The following MARCHF8 variants were observed in gnomAD, a reference collection of about 807,000 sequenced individuals.
MARCHF8 encodes membrane associated ring-CH-type finger 8.
MARCHF8 carries 40 observed loss-of-function variants against 51.6 expected under a neutral mutation model. That is an observed-to-expected ratio of 0.77 (90% CI 0.60 to 1.01). The LOEUF (loss-of-function observed/expected upper bound fraction) is 1.01, where lower values mean the gene tolerates loss of function less well. MARCHF8 is among the 50% of genes least tolerant of loss of function. The probability of loss-of-function intolerance (pLI) is 0.00; values close to 1 mark genes in which losing one functional copy is unlikely to be tolerated. For synonymous variants in MARCHF8, 263 were observed against 280.3 expected (o/e 0.94, Z 0.62); for missense variants, 685 against 708.6 (o/e 0.97, Z 0.38).
chr10:45,546,497 G>C (rs76422608), intron 1 of MARCHF8, among the ~76,000 whole-genome samples: 5,357 of 152,098 alleles, frequency 0.035, 143 homozygotes, highest in Non-Finnish European at 0.052. Context: ...CAAGAATAAA[G>C]CAGGCCAGGA....
In MARCHF8 at chr10:45,463,900, C is replaced by A; in HGVS notation, c.339G>T (p.Gly113=). 6.5e-7 allele frequency: 1 copy of A among 1,536,622 alleles called. No individual in the cohort carries two copies. The highest frequency in any genetic ancestry group is 8.7e-7 in the Non-Finnish European group (1 of 1,146,928). ...APHCQSSLTQ[G]LTVTVICKDT... ...CCTTACAGATAACTGTCACAGTGAG[C>A]CCTTGTGTCAGAGAACTCTGGCAGT... Residue 113 remains glycine, a synonymous_variant, in exon 5 of 8, where the codon GGG becomes GGT. Coordinates refer to ENST00000453424, the MANE Select transcript of MARCHF8 (RefSeq NM_001282866.2).
intron 3 of MARCHF8, among the ~76,000 whole-genome samples, chr10:45,470,940 G>A (rs761480521): frequency 1.3e-5 from 2 of 152,196 alleles, no homozygotes; most frequent in Admixed American, 6.5e-5. Flanking sequence ...CTTCAAAAAT[G>A]AGCCACAATT....
intron 1 of MARCHF8, among the ~76,000 whole-genome samples, chr10:45,551,222 T>G (rs1467697195): frequency 1.3e-5 from 2 of 152,194 alleles, no homozygotes; most frequent in Admixed American, 6.5e-5. Flanking sequence ...CTCATTCTTC[T>G]GACAACTAGA....
At chr10:45,475,672 T>C (rs2042774550) in intron 3 of MARCHF8, among the ~76,000 whole-genome samples, 1 of 152,056 alleles carries the variant, frequency 6.6e-6, no homozygotes, top group Non-Finnish European at 1.5e-5. Context: ...ATCACCCATA[T>C]CATGCCTGCT....
At chr10:45,512,252 C>G (rs1376888205) in intron 2 of MARCHF8, among the ~76,000 whole-genome samples, 1 of 151,756 alleles carries the variant, frequency 6.6e-6, no homozygotes, top group Non-Finnish European at 1.5e-5. Context: ...CGGCAGCCGC[C>G]CCGTCTGAGA....
rs939028279 is a variant in MARCHF8 at position 45,464,009 on chromosome 10, C to T, written c.243-13G>A. ...CACTGCACTGGAACTGCATGCAGAA[C>T]AGTGGGATAAAAGCACAGAAAGTAA... On this transcript the variant is annotated splice_polypyrimidine_tract_variant and intron_variant, in intron 4 of 7. Transcript: ENST00000453424. The T allele has an allele frequency of 3.3e-6, 5 of 1,522,272 alleles. No homozygotes were observed. Among genetic ancestry groups the T allele is most frequent in the East Asian group, 4.9e-5 (2 of 40,776 alleles). The allele number at this position is 1,522,272 out of a possible 1,614,324, so 94.3% of individuals were successfully genotyped here. A position where few individuals can be genotyped will look rare whatever the true frequency, so the allele number is the denominator to read the frequency against.
At chr10:45,500,895 T>G (rs924876870) in intron 2 of MARCHF8, among the ~76,000 whole-genome samples, 2 of 151,764 alleles carry the variant, frequency 1.3e-5, no homozygotes, top group Admixed American at 1.3e-4. Context: ...AACACACATA[T>G]AGCAATGAAC....
intron 3 of MARCHF8, among the ~76,000 whole-genome samples, chr10:45,473,691 G>T (rs1224844231): frequency 3.3e-5 from 5 of 152,154 alleles, no homozygotes; most frequent in African/African-American, 1.2e-4. Context: ...TGAATAGAGT[G>T]GGTTTAAGCC....
intron 2 of MARCHF8, among the ~76,000 whole-genome samples, chr10:45,504,202 T>C (rs1035974669): frequency 1.3e-5 from 2 of 152,192 alleles, no homozygotes; most frequent in African/African-American, 2.4e-5. Flanking sequence ...TGCCAGCACT[T>C]TGGGAGGCCG....
chr10:45,542,806 G>T (rs2044071101), intron 1 of MARCHF8, among the ~76,000 whole-genome samples: 1 of 152,280 alleles, frequency 6.6e-6, no homozygotes, highest in African/African-American at 2.4e-5. Flanking sequence ...ACCTTAAACA[G>T]ATCAACATCT....
Position 45,488,902 on chromosome 10 carries a change from G to A in MARCHF8, c.153+465C>T, listed in dbSNP as rs116923420. ...TTGTTCAGTTCCCCTAGGTCCATGC[G>A]GGTTACACAGTGGCACCCCGAACAG... On this transcript the variant is annotated intron_variant, in intron 3 of 7. Transcript: ENST00000453424. 5.5e-3 allele frequency among the ~76,000 whole-genome samples: 842 copies of A among 152,102 alleles called. 5 individuals are homozygous for A. Among genetic ancestry groups the A allele is most frequent in the Non-Finnish European group, 8.8e-3 (595 of 67,998 alleles).
intron 2 of MARCHF8, among the ~76,000 whole-genome samples, chr10:45,527,722 C>A (rs908100363): frequency 2.0e-5 from 3 of 152,082 alleles, no homozygotes; most frequent in Non-Finnish European, 4.4e-5. Context: ...CAACACTGTT[C>A]CCCCAAATTG....
At chr10:45,570,005 T>C (rs995553437) in intron 1 of MARCHF8, among the ~76,000 whole-genome samples, 2 of 152,086 alleles carry the variant, frequency 1.3e-5, no homozygotes, top group African/African-American at 4.8e-5. Context: ...TGACACAAGA[T>C]AAAACTTTTA....
chr10:45,473,645 GC>G (rs2042735102), intron 3 of MARCHF8, among the ~76,000 whole-genome samples: 3 of 152,184 alleles, frequency 2.0e-5, no homozygotes, highest in Non-Finnish European at 4.4e-5. Flanking sequence ...GATTAGCCTA[GC>G]CTAGGCCAAT....
intron 1 of MARCHF8, among the ~76,000 whole-genome samples, chr10:45,556,423 A>G (rs1267421292): frequency 6.6e-6 from 1 of 152,286 alleles, no homozygotes; most frequent in Admixed American, 6.5e-5. Flanking sequence ...ACCCCCAAAA[A>G]TGGACTGGGA....
chr10:45,526,539 G>A (rs2043797114), intron 2 of MARCHF8, among the ~76,000 whole-genome samples: 3 of 152,118 alleles, frequency 2.0e-5, no homozygotes, highest in Non-Finnish European at 2.9e-5. Context: ...AACAAGCCAG[G>A]CTGAAGAGAG....
rs545799910 is a variant in MARCHF8, at chr10:45,463,182, A to T, written c.1057T>A (p.Ser353Thr). Residue 353 changes from serine (S) to threonine (T), a missense_variant, in exon 5 of 8, where the codon TCT becomes ACT. Transcript: ENST00000453424. ...SPFSEKLPPISPVSTSGDVCR... is the reference protein window; with the variant it reads ...SPFSEKLPPITPVSTSGDVCR... ...ACATCCCCTGACGTGGACACGGGAG[A>T]TATGGGGGGTAATTTTTCAGAGAAG... 7.7e-6 allele frequency: 12 copies of T among 1,550,326 alleles called. No individual in the cohort carries two copies. In the South Asian group the frequency reaches 1.2e-4, roughly 15 times the overall value.
At chr10:45,555,725 C>T (rs1769278213) in intron 1 of MARCHF8, among the ~76,000 whole-genome samples, 2 of 135,642 alleles carry the variant, frequency 1.5e-5, no homozygotes, top group South Asian at 4.5e-4. Flanking sequence ...GCCTGAGCGA[C>T]ATTGTAAGAC....
At chr10:45,538,798 A>C (rs2133299053), upstream of MARCHF8, among the ~76,000 whole-genome samples, 1 of 152,352 alleles carries the variant, frequency 6.6e-6, no homozygotes, top group African/African-American at 2.4e-5. Flanking sequence ...CCAATACAGG[A>C]GCACCCAGAT....
Sources: gnomAD v4.1 joint callset for allele counts (sites outside exome capture counted in the v4.1 genomes callset) on GRCh38, gnomAD v4.1.1 for gene constraint, MANE v1.5 for transcripts, NCBI Gene and HGNC (gene_info 2026-07-23, HGNC 2026-07-21) for gene names.